CNTNAP5: variants seen among roughly 807,000 people sequenced by gnomAD.
The protein encoded by CNTNAP5 is contactin associated protein family member 5, also known as contactin-associated protein-like 5.
Under a neutral mutation model 150.2 loss-of-function variants are expected in CNTNAP5, and 72 were observed. The observed-to-expected ratio is 0.48, with a 90% CI of 0.40 to 0.58. The LOEUF is 0.58. Among genes scored for constraint, CNTNAP5 ranks in the 20% least tolerant of loss-of-function variants. CNTNAP5 has a pLI of 0.00. For synonymous variants in CNTNAP5, 672 were observed against 619.8 expected (o/e 1.08, Z -1.25); for missense variants, 1,636 against 1,626.2 (o/e 1.01, Z -0.10).
intron 7 of CNTNAP5, among the ~76,000 whole-genome samples, chr2:124,501,420 T>G (rs1694276737): frequency 6.6e-6 from 1 of 152,220 alleles, no homozygotes; most frequent in South Asian, 2.1e-4. Context: ...GGAGGAATGA[T>G]ATTTGAGAAA....
chr2:124,828,735 C>CAAAAAAAAAAAAAAAAAAAAAAAA (rs60339676), intron 19 of CNTNAP5, among the ~76,000 whole-genome samples: 2 of 23,110 alleles, frequency 8.7e-5, no homozygotes, highest in African/African-American at 1.3e-4. Context: ...CAAGTGTTGG[C>CAAAAAAAAAAAAAAAAAAAAAAAA]AAAAAAAAAA....
At chr2:124,720,260 A>AT (rs1680022743) in intron 13 of CNTNAP5, among the ~76,000 whole-genome samples, 1 of 152,096 alleles carries the variant, frequency 6.6e-6, no homozygotes. Flanking sequence ...CTGTTGACTA[A>AT]TTTTATTAGT....
chr2:124,419,468 A>G (rs1692026098), intron 4 of CNTNAP5, among the ~76,000 whole-genome samples: 1 of 152,180 alleles, frequency 6.6e-6, no homozygotes, highest in Admixed American at 6.5e-5. Context: ...TATCCAGAAA[A>G]ATAATAACGA....
At chr2:124,439,441 C>T (rs1692621189) in intron 5 of CNTNAP5, among the ~76,000 whole-genome samples, 2 of 152,134 alleles carry the variant, frequency 1.3e-5, no homozygotes, top group Admixed American at 1.3e-4. Context: ...AACTATGCAT[C>T]ATCAAAATCA....
intron 3 of CNTNAP5, among the ~76,000 whole-genome samples, chr2:124,400,903 G>T (rs896156718): frequency 6.6e-6 from 1 of 151,316 alleles, no homozygotes; most frequent in African/African-American, 2.4e-5. Flanking sequence ...ACCGAGTCTC[G>T]CTCTGTTGCC....
intron 19 of CNTNAP5, among the ~76,000 whole-genome samples, chr2:124,852,359 G>GT (rs1360644411): frequency 6.6e-6 from 1 of 152,130 alleles, no homozygotes; most frequent in Non-Finnish European, 1.5e-5. Flanking sequence ...GCACAGATCT[G>GT]TATCAGGAGC....
chr2:124,079,192 T>C (rs1682504498), intron 1 of CNTNAP5, among the ~76,000 whole-genome samples: 1 of 152,172 alleles, frequency 6.6e-6, no homozygotes. Context: ...TCCAGTGTAA[T>C]AGGCAGAAAA....
At chr2:124,284,946 C>A (rs1688110594) in intron 3 of CNTNAP5, among the ~76,000 whole-genome samples, 1 of 152,102 alleles carries the variant, frequency 6.6e-6, no homozygotes, top group Non-Finnish European at 1.5e-5. Context: ...GAGACAGGGT[C>A]TTGCTTTGTC....
At chr2:124,864,054 G>A (rs574633555) in intron 19 of CNTNAP5, among the ~76,000 whole-genome samples, 1 of 152,248 alleles carries the variant, frequency 6.6e-6, no homozygotes, top group South Asian at 2.1e-4. Flanking sequence ...ACAGCAAGCA[G>A]CATGCAGTTG....
chr2:124,090,314 A>G (rs1468939368), intron 1 of CNTNAP5, among the ~76,000 whole-genome samples: 1 of 152,158 alleles, frequency 6.6e-6, no homozygotes, highest in Non-Finnish European at 1.5e-5. Flanking sequence ...GGGGGAGGAT[A>G]TTGCTTTTCT....
At chr2:124,612,478 G>A (rs538873217) in intron 12 of CNTNAP5, among the ~76,000 whole-genome samples, 3 of 151,978 alleles carry the variant, frequency 2.0e-5, no homozygotes, top group Non-Finnish European at 4.4e-5. Flanking sequence ...TGATACATAG[G>A]TTTCATGTAC....
At chr2:124,306,719 C>CTTTT (rs762901729) in intron 3 of CNTNAP5, among the ~76,000 whole-genome samples, 912 of 64,030 alleles carry the variant, frequency 0.014, 20 homozygotes, top group African/African-American at 0.039. Flanking sequence ...CTCTCTCTTT[C>CTTTT]TTTTTTTTTT....
rs911507907 is a variant in CNTNAP5, at chr2:124,363,225, T to A, written c.382-54218T>A. 4.6e-5 allele frequency among the ~76,000 whole-genome samples: 7 copies of A among 152,330 alleles called. No individual in the cohort carries two copies. The East Asian group carries it at 7.7e-4, about 17-fold the overall frequency. ...CTTCTTCAGTTACTTCTTGGACACT[T>A]CATTGTTTGGATTTTCCTTCCACTT... On this transcript the variant is annotated intron_variant, in intron 3 of 23. Transcript: ENST00000682447.
chr2:124,849,608 G>A (rs563854262), intron 19 of CNTNAP5, among the ~76,000 whole-genome samples: 4 of 152,260 alleles, frequency 2.6e-5, no homozygotes, highest in African/African-American at 9.6e-5. Flanking sequence ...CATTGAATTT[G>A]TAGCTCATTT....
At chr2:124,156,973 A>G (rs141894628) in intron 1 of CNTNAP5, among the ~76,000 whole-genome samples, 52 of 152,282 alleles carry the variant, frequency 3.4e-4, no homozygotes, top group African/African-American at 1.0e-3. Flanking sequence ...AAATCACCTG[A>G]TAGTTATGGA....
At chr2:124,754,531 G>A (rs1215650196) in intron 14 of CNTNAP5, among the ~76,000 whole-genome samples, 1 of 152,016 alleles carries the variant, frequency 6.6e-6, no homozygotes, top group Non-Finnish European at 1.5e-5. Context: ...ATGAGAGGAT[G>A]CATGAATGAA....
intron 6 of CNTNAP5, among the ~76,000 whole-genome samples, chr2:124,458,337 C>A (rs184606301): frequency 6.9e-5 from 7 of 101,684 alleles, no homozygotes. Context: ...ACTACTCAAC[C>A]GTAAAAAGGA....
At chr2:124,113,366 C>A (rs531077367) in intron 1 of CNTNAP5, among the ~76,000 whole-genome samples, 3 of 151,964 alleles carry the variant, frequency 2.0e-5, no homozygotes, top group Non-Finnish European at 2.9e-5. Flanking sequence ...TTAAAAAATT[C>A]TTTATTGTAC....
chr2:124,829,730 C>T (rs1008549285), intron 19 of CNTNAP5, among the ~76,000 whole-genome samples: 1 of 151,642 alleles, frequency 6.6e-6, no homozygotes, highest in African/African-American at 2.4e-5. Flanking sequence ...TGACCTAGAG[C>T]TTATTATAAA....
Sources: allele counts gnomAD v4.1 joint callset (sites outside exome capture counted in the v4.1 genomes callset), GRCh38; gene constraint gnomAD v4.1.1; transcripts MANE v1.5; gene names NCBI Gene and HGNC (gene_info 2026-07-23, HGNC 2026-07-21).